Variants in RANBP2 observed in about 807,000 individuals in gnomAD.
The protein encoded by RANBP2 is E3 SUMO-protein ligase RanBP2.
RANBP2 carries 57 observed loss-of-function variants against 303.6 expected under a neutral mutation model. The observed-to-expected ratio is 0.19, with a 90% CI of 0.15 to 0.23. The LOEUF (loss-of-function observed/expected upper bound fraction) is 0.23, where lower values mean the gene tolerates loss of function less well. Ranked by LOEUF, RANBP2 falls within the 10% of genes least tolerant of loss-of-function variation. The pLI is 1.00. For missense variants in RANBP2, 3,138 were observed against 3,780.8 expected, an observed-to-expected ratio of 0.83 and a Z score of 4.46; for synonymous variants, 1,167 against 1,301.5, an observed-to-expected ratio of 0.90 and a Z score of 2.23.
At chr2:109,538,711 G>C in the RANBP2 span, among the ~76,000 whole-genome samples, 5 of 152,260 alleles carry the variant, frequency 3.3e-5, no homozygotes, top group Admixed American at 2.6e-4. Flanking sequence ...GTAGAGACGG[G>C]GTTTCGCCAT....
the RANBP2 span, among the ~76,000 whole-genome samples, chr2:109,284,766 G>A: frequency 0.045 from 6,882 of 152,266 alleles, 523 homozygotes; most frequent in African/African-American, 0.16. Flanking sequence ...CTAAGCACAT[G>A]TGTGTGGAGT....
chr2:109,565,685 A>AC, the RANBP2 span: 2 of 1,209,632 alleles, frequency 1.7e-6, no homozygotes, highest in Admixed American at 3.4e-5. Context: ...ACTAAGCATC[A>AC]CCCCAAAGAA....
chr2:109,630,468 T>G, the RANBP2 span, among the ~76,000 whole-genome samples: 1 of 152,328 alleles, frequency 6.6e-6, no homozygotes, highest in East Asian at 1.9e-4. Context: ...AATCCTATAC[T>G]GTCCATTCTG....
At chr2:109,638,706 G>A in the RANBP2 span, among the ~76,000 whole-genome samples, 2 of 152,158 alleles carry the variant, frequency 1.3e-5, no homozygotes, top group African/African-American at 4.8e-5. Context: ...TGGAGTCTCA[G>A]TAATAGGGAG....
the RANBP2 span, among the ~76,000 whole-genome samples, chr2:109,390,969 G>C: frequency 6.6e-6 from 1 of 152,208 alleles, no homozygotes; most frequent in Non-Finnish European, 1.5e-5. Flanking sequence ...CTGCAGCTTG[G>C]CCAACTGCCC....
At chr2:109,513,468 TCCACATGTACACACA>T in the RANBP2 span, among the ~76,000 whole-genome samples, 2,240 of 141,352 alleles carry the variant, frequency 0.016, 60 homozygotes, top group African/African-American at 0.055. Context: ...ATATAGACAC[TCCACATGTACACACA>T]CCACATGTAC....
chr2:109,454,009 G>A, the RANBP2 span, among the ~76,000 whole-genome samples: 1 of 152,224 alleles, frequency 6.6e-6, no homozygotes, highest in Non-Finnish European at 1.5e-5. Flanking sequence ...CTGGGCAGGA[G>A]GGTGCCATCC....
chr2:109,411,500 C>A, the RANBP2 span, among the ~76,000 whole-genome samples: 15 of 152,328 alleles, frequency 9.8e-5, no homozygotes, highest in Admixed American at 9.1e-4. Context: ...TGGCCACCAG[C>A]AAATTGCTGC....
the RANBP2 span, among the ~76,000 whole-genome samples, chr2:109,013,484 T>A: frequency 6.6e-6 from 1 of 152,138 alleles, no homozygotes; most frequent in African/African-American, 2.4e-5. Flanking sequence ...TACAAATACA[T>A]CATTAGAAAA....
the RANBP2 span, chr2:109,490,468 TG>T: frequency 8.3e-6 from 6 of 722,244 alleles, no homozygotes; most frequent in South Asian, 1.8e-4. Context: ...TTGCTGTGAG[TG>T]GTAAAGTCTT....
the RANBP2 span, among the ~76,000 whole-genome samples, chr2:109,113,849 T>G: frequency 6.6e-6 from 1 of 152,246 alleles, no homozygotes; most frequent in Non-Finnish European, 1.5e-5. Flanking sequence ...CATGAAGAGT[T>G]GTTGAATTTT....
the RANBP2 span, among the ~76,000 whole-genome samples, chr2:108,822,121 A>AAGACC: frequency 6.6e-6 from 1 of 152,262 alleles, no homozygotes; most frequent in South Asian, 2.1e-4. Context: ...GAAAAAGACA[A>AAGACC]TCCTTGTCAA....
the RANBP2 span, among the ~76,000 whole-genome samples, chr2:109,333,042 C>T: frequency 6.6e-6 from 1 of 152,202 alleles, no homozygotes; most frequent in African/African-American, 2.4e-5. Flanking sequence ...TGGGAATGCG[C>T]GTGAGTGCAG....
At chr2:109,428,419 G>A in the RANBP2 span, among the ~76,000 whole-genome samples, 1 of 152,238 alleles carries the variant, frequency 6.6e-6, no homozygotes, top group South Asian at 2.1e-4. Context: ...CAGGCTGCAC[G>A]TGAAAGCAGA....
the RANBP2 span, among the ~76,000 whole-genome samples, chr2:109,142,044 G>T: frequency 1.4e-4 from 6 of 43,012 alleles, no homozygotes; most frequent in African/African-American, 2.6e-4. Context: ...TGAGTCTCCT[G>T]GGGGGGGGGT....
chr2:108,759,891 C>G (rs1442151739), intron 18 of RANBP2, among the ~76,000 whole-genome samples: 1 of 152,118 alleles, frequency 6.6e-6, no homozygotes, highest in Non-Finnish European at 1.5e-5. Flanking sequence ...GCATGTAAAT[C>G]CAACATTCTC....
chr2:109,245,874 A>G, the RANBP2 span, among the ~76,000 whole-genome samples: 3 of 152,224 alleles, frequency 2.0e-5, no homozygotes, highest in African/African-American at 4.8e-5. Flanking sequence ...AACACTTGAA[A>G]TCTAGAGTAC....
the RANBP2 span, chr2:109,585,952 C>T: frequency 1.5e-6 from 1 of 688,540 alleles, no homozygotes; most frequent in Non-Finnish European, 2.5e-6. Flanking sequence ...TTTTTATAAT[C>T]ATTATACCTC....
chr2:109,432,513 C>T, the RANBP2 span: 11 of 1,613,460 alleles, frequency 6.8e-6, no homozygotes, highest in Non-Finnish European at 9.3e-6. Context: ...ACCTGGCGCT[C>T]TACGCCTACA....
Sources: gnomAD v4.1 joint callset for allele counts (sites outside exome capture counted in the v4.1 genomes callset) on GRCh38, gnomAD v4.1.1 for gene constraint, MANE v1.5 for transcripts, NCBI Gene and HGNC (gene_info 2026-07-23, HGNC 2026-07-21) for gene names.